FOCAD: variants seen among roughly 807,000 people sequenced by gnomAD.
FOCAD encodes the protein KIAA1797.
A neutral mutation model predicts 225.6 loss-of-function variants in FOCAD; 198 were observed. That is an observed-to-expected ratio of 0.88 (90% CI 0.78 to 0.99). The LOEUF is 0.99. Among genes scored for constraint, FOCAD ranks in the 50% least tolerant of loss-of-function variants. The pLI is 0.00. For missense variants in FOCAD, 2,713 were observed against 2,123.6 expected (o/e 1.28, Z -5.46); for synonymous variants, 897 against 755.0 (o/e 1.19, Z -3.08).
chr9:20,811,440 G>C (rs1294015760), intron 11 of FOCAD, among the ~76,000 whole-genome samples: 2 of 152,038 alleles, frequency 1.3e-5, no homozygotes, highest in Non-Finnish European at 2.9e-5. Context: ...AAGCTGGATT[G>C]GAATAAGGCT....
At chr9:20,883,196 C>T (rs1474105695) in intron 20 of FOCAD, among the ~76,000 whole-genome samples, 4 of 152,176 alleles carry the variant, frequency 2.6e-5, no homozygotes, top group African/African-American at 9.7e-5. Context: ...AAAGAAGTCA[C>T]TCTCTTTGGA....
intron 11 of FOCAD, among the ~76,000 whole-genome samples, chr9:20,799,596 A>ACACTGTGTGTGAAACCAACCATGCT (rs1564005860): frequency 6.6e-6 from 1 of 152,134 alleles, no homozygotes; most frequent in East Asian, 1.9e-4. Context: ...CTTTACCATT[A>ACACTGTGTGTGAAACCAACCATGCT]TGTAATGGCC....
chr9:20,970,174 G>T (rs1216998570), intron 35 of FOCAD, among the ~76,000 whole-genome samples: 1 of 152,038 alleles, frequency 6.6e-6, no homozygotes, highest in Non-Finnish European at 1.5e-5. Context: ...ACGTCTTAGT[G>T]TGGATCTCTT....
chr9:20,970,530 G>C (rs1420461377), intron 35 of FOCAD, among the ~76,000 whole-genome samples: 1 of 151,662 alleles, frequency 6.6e-6, no homozygotes, highest in Non-Finnish European at 1.5e-5. Context: ...TAATTTGTTT[G>C]GTTCTTTTAA....
intron 19 of FOCAD, among the ~76,000 whole-genome samples, chr9:20,881,552 A>C (rs1366917406): frequency 6.6e-6 from 1 of 152,204 alleles, no homozygotes; most frequent in African/African-American, 2.4e-5. Context: ...ACAAAAGATA[A>C]TAAGTAGATA....
chr9:20,905,933 ATT>A (rs35095102), intron 21 of FOCAD, among the ~76,000 whole-genome samples: 35 of 148,132 alleles, frequency 2.4e-4, no homozygotes, highest in Non-Finnish European at 4.8e-4. Flanking sequence ...ACTGTTTGAG[ATT>A]TTTTTTTTTT....
At chr9:20,902,097 G>A (rs558755240) in intron 21 of FOCAD, among the ~76,000 whole-genome samples, 22 of 151,820 alleles carry the variant, frequency 1.4e-4, no homozygotes, top group African/African-American at 5.3e-4. Context: ...GTTAAACTCC[G>A]CAGGTCCTTA....
At chr9:20,935,854 A>T (rs1323479833) in intron 28 of FOCAD, among the ~76,000 whole-genome samples, 2 of 152,254 alleles carry the variant, frequency 1.3e-5, no homozygotes, top group African/African-American at 2.4e-5. Flanking sequence ...CCTGCTTAGC[A>T]TTAAGAACCT....
chr9:20,963,333 G>A (rs1236544351), intron 35 of FOCAD, among the ~76,000 whole-genome samples: 1 of 152,170 alleles, frequency 6.6e-6, no homozygotes, highest in Non-Finnish European at 1.5e-5. Flanking sequence ...ACTGGTGAAA[G>A]TTGTCCTGTC....
chr9:20,812,753 A>G (rs931210051), intron 11 of FOCAD, among the ~76,000 whole-genome samples: 1 of 152,084 alleles, frequency 6.6e-6, no homozygotes, highest in African/African-American at 2.4e-5. Flanking sequence ...GCCATCATCT[A>G]ACTTTGTGGT....
chr9:20,658,856 T>C (rs1215822461), intron 2 of FOCAD: 1 of 152,502 alleles, frequency 6.6e-6, no homozygotes, highest in Non-Finnish European at 1.5e-5. Context: ...TGAATTGTTT[T>C]CCCCCAAATT....
At chr9:20,976,309 T>C (rs1321224404) in intron 35 of FOCAD, 111 bp from the exon 36 acceptor site, 4 of 985,604 alleles carry the variant, frequency 4.1e-6, no homozygotes, top group Non-Finnish European at 6.1e-6. Context: ...CGCAATTGAA[T>C]ATGTGATATC....
chr9:20,881,849 G>A (rs1367826943), intron 19 of FOCAD, 22 bp from the exon 20 acceptor site: 2 of 1,603,148 alleles, frequency 1.2e-6, no homozygotes, highest in Non-Finnish European at 1.7e-6. Flanking sequence ...TCTACTTTTG[G>A]TCTCCTTTTA....
intron 35 of FOCAD, among the ~76,000 whole-genome samples, chr9:20,962,011 C>G (rs1243436258): frequency 6.6e-6 from 1 of 152,120 alleles, no homozygotes; most frequent in Middle Eastern, 3.2e-3. Flanking sequence ...CTAGGCATCT[C>G]CTAGTTCCCA....
rs114398021 is a variant in FOCAD at position 20,664,580 on chromosome 9, A to G, written c.-78+5754A>G. Among the ~76,000 whole-genome samples the G allele has an allele frequency of 3.3e-3, 500 of 151,990 alleles. 4 individuals carry two copies. The highest frequency in any genetic ancestry group is 0.011 in the African/African-American group (453 of 41,496). On this transcript the variant is annotated intron_variant, in intron 2 of 45. Transcript: ENST00000380249. ...ATAAATCCCATAAAGAAGGAACCTTATAGTGGAGAGCTTCAAATGCCAGAG... is the reference window on the plus strand; with the variant it reads ...ATAAATCCCATAAAGAAGGAACCTTGTAGTGGAGAGCTTCAAATGCCAGAG...
chr9:20,980,015 T>C (rs1042912856), intron 37 of FOCAD, among the ~76,000 whole-genome samples: 2 of 152,198 alleles, frequency 1.3e-5, no homozygotes, highest in African/African-American at 4.8e-5. Flanking sequence ...AGTTCCATTG[T>C]GCTTGCTTGT....
At chr9:20,792,185 C>T (rs776066382) in intron 11 of FOCAD, among the ~76,000 whole-genome samples, 1 of 152,092 alleles carries the variant, frequency 6.6e-6, no homozygotes. Flanking sequence ...ATGTGTTTTC[C>T]TCCTATGTTT....
chr9:20,872,394 T>C (rs571441219), intron 18 of FOCAD, among the ~76,000 whole-genome samples: 1 of 152,246 alleles, frequency 6.6e-6, no homozygotes, highest in South Asian at 2.1e-4. Context: ...ATATCCCTTT[T>C]ATACTAAATA....
chr9:20,703,462 G>A (rs1020960770), intron 1 of FOCAD, among the ~76,000 whole-genome samples: 3 of 152,010 alleles, frequency 2.0e-5, no homozygotes, highest in Admixed American at 2.0e-4. Flanking sequence ...AAAGTTTTCA[G>A]CATATGAGTT....
Sources: gnomAD v4.1 joint callset for allele counts (sites outside exome capture counted in the v4.1 genomes callset) on GRCh38, gnomAD v4.1.1 for gene constraint, MANE v1.5 for transcripts, NCBI Gene and HGNC (gene_info 2026-07-23, HGNC 2026-07-21) for gene names.